TOE1: variants seen among roughly 807,000 people sequenced by gnomAD.
The protein encoded by TOE1 is target of EGR1, exonuclease, also known as target of EGR1 protein 1.
In TOE1, 50 loss-of-function variants were observed where a neutral mutation model predicts 49.2. The observed-to-expected ratio is 1.02, with a 90% CI of 0.81 to 1.29. The LOEUF (loss-of-function observed/expected upper bound fraction) is 1.29. TOE1 is among the 50% of genes most tolerant of loss of function. TOE1 has a pLI of 0.00. For synonymous variants in TOE1, 221 were observed against 247.0 expected, an observed-to-expected ratio of 0.89 and a Z score of 0.99; for missense variants, 544 against 654.4, an observed-to-expected ratio of 0.83 and a Z score of 1.84.
rs2149260654 is a variant in TOE1, at chr1:45,343,153, T to C, written c.984T>C (p.Asp328=). The C allele has an allele frequency of 6.2e-7, 1 of 1,613,766 alleles. No individual in the cohort carries two copies. The highest frequency in any genetic ancestry group is 8.5e-7 in the Non-Finnish European group (1 of 1,179,974). Residue 328 remains aspartate (D), a synonymous_variant, in exon 8 of 8, where the codon GAT becomes GAC. Coordinates refer to ENST00000372090, the MANE Select transcript of TOE1 (RefSeq NM_025077.4). The surrounding 1 kb of genome is among the most constrained non-coding windows in gnomAD (Gnocchi z 4.3). ...ATATTGACCTTATCATTGACACTGA[T>C]GAGGCTGCGGCAGAGGACAAGCGGC... ...SHDIDLIIDT[D]EAAAEDKRRR...
In TOE1 at chr1:45,343,515, A is replaced by G. The variant is rs1435224578; in HGVS notation, c.1346A>G (p.Tyr449Cys). Residue 449 changes from tyrosine (Y) to cysteine (C), a missense_variant, in exon 8 of 8, where the codon TAT becomes TGT. By Grantham distance (194) the Tyr-to-Cys change is radical (BLOSUM62 -2). Coordinates refer to ENST00000372090, the MANE Select transcript of TOE1 (RefSeq NM_025077.4). The surrounding 1 kb of genome is among the most constrained non-coding windows in gnomAD (Gnocchi z 4.3). Reference sequence around the variant, plus strand: ...GGTTTTGATGCCTTTATGACAGGTTATGTGATGGCCTATGTGGAAGTGAGC... The same window carrying G: ...GGTTTTGATGCCTTTATGACAGGTTGTGTGATGGCCTATGTGGAAGTGAGC... Reference protein sequence around the residue: ...RAGFDAFMTGYVMAYVEVSQG... With the variant: ...RAGFDAFMTGCVMAYVEVSQG... 1.2e-6 allele frequency: 2 copies of G among 1,614,122 alleles called. No individual in the cohort carries two copies. Among genetic ancestry groups the G allele is most frequent in the Admixed American group, 3.3e-5 (2 of 60,012 alleles).
In TOE1 at chr1:45,343,030, G is replaced by T; in HGVS notation, c.912+28G>T. On this transcript the variant is annotated intron_variant, in intron 7 of 7. Coordinates refer to ENST00000372090, the MANE Select transcript of TOE1 (RefSeq NM_025077.4). This position sits in a 1 kb window ranked among gnomAD's most constrained non-coding sequence, Gnocchi z 4.3. ...GAGAGCACCCACCTGTTTCTTGGGA[G>T]GGAAGGTTCTGATGCCTGGAGCCTC... 1 of 1,613,692 alleles carries T rather than the reference G, an allele frequency of 6.2e-7. No homozygotes were observed. The highest frequency in any genetic ancestry group is 8.5e-7 in the Non-Finnish European group (1 of 1,179,822).
intron 1 of TOE1, 135 bp from the exon 2 acceptor site, chr1:45,340,938 G>A (rs1646915261): frequency 1.4e-5 from 18 of 1,259,122 alleles, no homozygotes; most frequent in Non-Finnish European, 2.0e-5. Context: ...TAGAACACGT[G>A]GGTTACAAAG....
intron 1 of TOE1, 66 bp from the exon 2 acceptor site, chr1:45,341,007 G>A (rs1646922753): frequency 6.2e-7 from 1 of 1,606,828 alleles, no homozygotes; most frequent in Admixed American, 1.7e-5. Flanking sequence ...CCGTGGCCTA[G>A]CTTGGTGTCT....
intron 1 of TOE1, chr1:45,340,644 G>A: frequency 8.1e-7 from 1 of 1,230,700 alleles, no homozygotes; most frequent in South Asian, 1.6e-5. Context: ...GGCACTGCCA[G>A]GCTCTGGGGC....
chr1:45,343,135 C>A lies in TOE1; in HGVS notation c.966C>A (p.Asp322Glu), dbSNP rs1485295363. 3 of 1,613,906 alleles carry A rather than the reference C, an allele frequency of 1.9e-6. No individual in the cohort carries two copies. The Admixed American group carries it at 5.0e-5, about 27-fold the overall frequency. Residue 322 changes from aspartate (D) to glutamate (E), a missense_variant, in exon 8 of 8, where the codon GAC becomes GAA. Coordinates refer to ENST00000372090, the MANE Select transcript of TOE1 (RefSeq NM_025077.4). This position sits in a 1 kb window ranked among gnomAD's most constrained non-coding sequence, Gnocchi z 4.3. Reference protein sequence around the residue: ...GPQCPQSHDIDLIIDTDEAAA... With the variant: ...GPQCPQSHDIELIIDTDEAAA... ...AGTGTCCTCAGTCTCACGATATTGA[C>A]CTTATCATTGACACTGATGAGGCTG... is the stretch of plus-strand genomic sequence containing the variant.
Position 45,343,342 on chromosome 1 carries a change from C to T in TOE1, c.1173C>T (p.Asn391=). 6.2e-7 allele frequency: 1 copy of T among 1,614,020 alleles called. No individual in the cohort carries two copies. The highest frequency in any genetic ancestry group is 1.1e-5 in the South Asian group (1 of 91,076). Reference sequence around the variant, plus strand: ...AGGTGGCTGCCGATGAAACTAGGAACCTGCCTCACTCCAAGCAAGGCAACA... The same window carrying T: ...AGGTGGCTGCCGATGAAACTAGGAATCTGCCTCACTCCAAGCAAGGCAACA... ...EQEVAADETR[N]LPHSKQGNKN... The change falls in exon 8 of 8, where the codon AAC becomes AAT. Residue 391 remains asparagine, a synonymous_variant. Transcript: ENST00000372090. This position sits in a 1 kb window ranked among gnomAD's most constrained non-coding sequence, Gnocchi z 4.3.
intron 1 of TOE1, 131 bp downstream of exon 1, chr1:45,340,435 G>C: frequency 6.6e-7 from 1 of 1,519,074 alleles, no homozygotes; most frequent in Non-Finnish European, 8.8e-7. Flanking sequence ...GCCACGAGGA[G>C]ACTACAAGTT....
Position 45,343,023 on chromosome 1 carries a change from C to G in TOE1, c.912+21C>G. 1 of 1,613,166 alleles carries G rather than the reference C, an allele frequency of 6.2e-7. No homozygotes were observed. The highest frequency in any genetic ancestry group is 1.1e-5 in the South Asian group (1 of 90,986). On this transcript the variant is annotated intron_variant, in intron 7 of 7. Transcript: ENST00000372090. The surrounding 1 kb of genome is among the most constrained non-coding windows in gnomAD (Gnocchi z 4.3). ...TCTCGGTGAGAGCACCCACCTGTTT[C>G]TTGGGAGGGAAGGTTCTGATGCCTG...
Position 45,343,030 on chromosome 1 carries a change from G to C in TOE1, c.912+28G>C. 2 of 1,613,692 alleles carry C rather than the reference G, an allele frequency of 1.2e-6. No individual in the cohort carries two copies. The highest frequency in any genetic ancestry group is 8.5e-7 in the Non-Finnish European group (1 of 1,179,822). On this transcript the variant is annotated intron_variant, in intron 7 of 7. Transcript: ENST00000372090. This position sits in a 1 kb window ranked among gnomAD's most constrained non-coding sequence, Gnocchi z 4.3. ...GAGAGCACCCACCTGTTTCTTGGGA[G>C]GGAAGGTTCTGATGCCTGGAGCCTC...
Position 45,340,283 on chromosome 1 carries a change from T to G in TOE1, c.31T>G (p.Ser11Ala). ...CGCCGACAGTGACGATGGCGCAGTT[T>G]CAGCTCCCGCAGCTTCCGACGGTGA... MAADSDDGAV[S>A]APAASDGGVS... The change falls in exon 1 of 8, where the codon TCA (serine) becomes GCA (alanine). Residue 11 changes from serine (S) to alanine (A), a missense_variant. By Grantham distance (99) the Ser-to-Ala change is moderately conservative. Transcript: ENST00000372090. 6.2e-7 allele frequency: 1 copy of G among 1,613,572 alleles called. No homozygotes were observed. Among genetic ancestry groups the G allele is most frequent in the Non-Finnish European group, 8.5e-7 (1 of 1,179,956 alleles).
chr1:45,341,539 C>T lies in TOE1; in HGVS notation c.303C>T (p.Gly101=). The change falls in exon 4 of 8, where the codon GGC becomes GGT. Residue 101 remains glycine, a synonymous_variant. Transcript: ENST00000372090. The part of the protein sequence containing the change: ...AARTRSILSL[G]LACFKRQPDK... ...GGACCCGTTCTATCCTTTCCCTGGG[C>T]CTCGCCTGCTTCAAGCGGCAGCCAG... 2 of 1,613,932 alleles carry T rather than the reference C, an allele frequency of 1.2e-6. No individual in the cohort carries two copies. The highest frequency in any genetic ancestry group is 8.5e-7 in the Non-Finnish European group (1 of 1,179,958).
In TOE1 at chr1:45,341,232, A is replaced by G. The variant is rs750840142; in HGVS notation, c.195+17A>G. The G allele has an allele frequency of 9.3e-6, 15 of 1,613,980 alleles. No homozygotes were observed. The East Asian group carries it at 3.1e-4, about 34-fold the overall frequency. On this transcript the variant is annotated intron_variant, in intron 2 of 7. Coordinates refer to ENST00000372090, the MANE Select transcript of TOE1 (RefSeq NM_025077.4). ...GTGGACACGGTGAGAGTTGGGAAAC[A>G]AGGAGGGCAGGTGGTTGTGAAGGGG...
In TOE1 at chr1:45,342,866, G is replaced by A. The variant is rs144829269; in HGVS notation, c.776G>A (p.Arg259Gln). 297 of 1,613,938 alleles carry A rather than the reference G, an allele frequency of 1.8e-4. No individual in the cohort carries two copies. Among genetic ancestry groups the A allele is most frequent in the South Asian group, 1.6e-3 (147 of 91,080 alleles). ...RKCERENGKQ[R>Q]AAGSPHLTLE... ...AGTGAACGGGAAAATGGGAAGCAGC[G>A]GGCAGCTGGCAGCCCACACCTTACC... Residue 259 changes from arginine (R) to glutamine (Q), a missense_variant, in exon 7 of 8, where the codon CGG (arginine) becomes CAG (glutamine). By Grantham distance (43) the Arg-to-Gln change is conservative. Transcript: ENST00000372090.
chr1:45,341,701 T>C lies in TOE1; in HGVS notation c.333+132T>C, dbSNP rs538933965. 9.1e-6 allele frequency: 8 copies of C among 876,480 alleles called. No homozygotes were observed. The South Asian group carries it at 1.5e-4, about 16-fold the overall frequency. 54.3% of individuals were successfully genotyped at this position (876,480 alleles called of 1,614,324 possible). On this transcript the variant is annotated intron_variant, in intron 4 of 7. Coordinates refer to ENST00000372090, the MANE Select transcript of TOE1 (RefSeq NM_025077.4). The stretch of plus-strand genomic sequence containing the variant: ...TGACTTGATAGTTTTTTTTTTTTTA[T>C]TTGAATAGGTTTATGGGGAACAGGT...
Position 45,340,281 on chromosome 1 carries a change from T to TTTCAGCTCCCGCAGC in TOE1, c.33_47dup (p.Ala12_Ser16dup), listed in dbSNP as rs759492439. ...GCCGCCGACAGTGACGATGGCGCAG[T>TTTCAGCTCCCGCAGC]TTCAGCTCCCGCAGCTTCCGACGGT... On this transcript the variant is annotated inframe_insertion, in exon 1 of 8. Coordinates refer to ENST00000372090, the MANE Select transcript of TOE1 (RefSeq NM_025077.4). 4 of 1,613,664 alleles carry TTTCAGCTCCCGCAGC rather than the reference T, an allele frequency of 2.5e-6. No homozygotes were observed. Among genetic ancestry groups the TTTCAGCTCCCGCAGC allele is most frequent in the East Asian group, 2.2e-5 (1 of 44,876 alleles).
intron 1 of TOE1, 167 bp downstream of exon 1, chr1:45,340,471 C>T: frequency 6.8e-7 from 1 of 1,470,266 alleles, no homozygotes; most frequent in Non-Finnish European, 9.0e-7. Flanking sequence ...GCTCCGGCTG[C>T]AAAAGCCTGG....
In TOE1 at chr1:45,343,723, C is replaced by T. The variant is rs2149261150; in HGVS notation, c.*21C>T. 6 of 1,593,568 alleles carry T rather than the reference C, an allele frequency of 3.8e-6. No homozygotes were observed. The highest frequency in any genetic ancestry group is 5.1e-6 in the Non-Finnish European group (6 of 1,166,684). On this transcript the variant is annotated 3_prime_UTR_variant, in exon 8 of 8. Transcript: ENST00000372090. This position sits in a 1 kb window ranked among gnomAD's most constrained non-coding sequence, Gnocchi z 4.3. ...GCTGATGCAACTTCCACCTTGCTCT[C>T]AGGTGGAACAGAGGTATTTTGGGTC...
In TOE1 at chr1:45,342,956, C is replaced by T. The variant is rs1441910329; in HGVS notation, c.866C>T (p.Pro289Leu). Residue 289 changes from proline to leucine, a missense_variant, in exon 7 of 8, where the codon CCA (proline) becomes CTA (leucine). Transcript: ENST00000372090. ...ATTGATTACCGCTGCTGCCTGCCCC[C>T]AGCAACCCACCGTCCTCATCCCACC... ...DHIDYRCCLP[P>L]ATHRPHPTSI... is the part of the protein sequence containing the mutation. 4 of 1,613,698 alleles carry T rather than the reference C, an allele frequency of 2.5e-6. No individual in the cohort carries two copies. The highest frequency in any genetic ancestry group is 3.3e-5 in the Admixed American group (2 of 59,948).
Sources: gnomAD v4.1 joint callset for allele counts on GRCh38, gnomAD v4.1.1 for gene constraint, Gnocchi (gnomAD v3.1) non-coding constraint, MANE v1.5 for transcripts, NCBI Gene and HGNC (gene_info 2026-07-23, HGNC 2026-07-21) for gene names.